Variants in ITPKC observed in about 807,000 individuals in gnomAD.
The protein encoded by ITPKC is inositol-trisphosphate 3-kinase C.
A neutral mutation model predicts 67.1 loss-of-function variants in ITPKC; 33 were observed. The ratio of observed to expected loss-of-function variants is 0.49; its 90% CI spans 0.37 to 0.66. The LOEUF (loss-of-function observed/expected upper bound fraction) is 0.66, where lower values mean the gene tolerates loss of function less well. Ranked by LOEUF, ITPKC falls within the 30% of genes least tolerant of loss-of-function variation. ITPKC has a pLI of 0.00. For missense variants in ITPKC, 820 were observed against 892.1 expected (o/e 0.92, Z 1.03); for synonymous variants, 341 against 359.8 (o/e 0.95, Z 0.59).
intron 4 of ITPKC, among the ~76,000 whole-genome samples, chr19:40,735,712 T>G (rs1204554754): frequency 1.3e-5 from 2 of 152,206 alleles, no homozygotes; most frequent in African/African-American, 4.8e-5. Context: ...CATCTGACTG[T>G]GTCTGTCGTG....
chr19:40,718,380 G>T, intron 1 of ITPKC, 90 bp downstream of exon 1: 1 of 1,437,772 alleles, frequency 7.0e-7, no homozygotes, highest in South Asian at 1.6e-5. Context: ...CCCATTTACT[G>T]TTAGTTGCCC....
At position 40,718,333 on chromosome 19, in the gene ITPKC, C is replaced by A. The variant is rs373991710; in HGVS notation, c.1155+43C>A. The A allele has an allele frequency of 2.7e-6, 4 of 1,484,248 alleles. No individual in the cohort carries two copies. In the East Asian group the frequency reaches 6.9e-5, roughly 25 times the overall value. 91.9% of individuals were successfully genotyped at this position (1,484,248 alleles called of 1,614,324 possible). ...TGCCCTTGAGCCACATCACGCAAAA[C>A]TCCTTATTCCTCCGCCTTTGCTTAG... On this transcript the variant is annotated intron_variant, in intron 1 of 6. Coordinates refer to ENST00000263370, the MANE Select transcript of ITPKC (RefSeq NM_025194.3).
chr19:40,731,407 A>C (rs1402415119), intron 3 of ITPKC, among the ~76,000 whole-genome samples: 1 of 152,174 alleles, frequency 6.6e-6, no homozygotes, highest in African/African-American at 2.4e-5. Flanking sequence ...AGTCTGTGGG[A>C]AAAATTATCT....
Position 40,733,376 on chromosome 19 carries a change from G to T in ITPKC, c.1674+12G>T. 1 of 1,597,242 alleles carries T rather than the reference G, an allele frequency of 6.3e-7. No homozygotes were observed. The highest frequency in any genetic ancestry group is 8.5e-7 in the Non-Finnish European group (1 of 1,171,720). On this transcript the variant is annotated intron_variant, in intron 4 of 6. Transcript: ENST00000263370. ...TCGAGGGCATCAAGGTGAGGACCAG[G>T]AACCGCCTGGCCTGTCCCGGGAAGG...
At chr19:40,730,082 G>A (rs953042060) in intron 3 of ITPKC, among the ~76,000 whole-genome samples, 10 of 152,018 alleles carry the variant, frequency 6.6e-5, no homozygotes, top group Non-Finnish European at 1.3e-4. Context: ...GATTACAAGC[G>A]CCCGCCACCA....
intron 1 of ITPKC, among the ~76,000 whole-genome samples, chr19:40,721,519 C>A (rs373776271): frequency 6.6e-6 from 1 of 151,780 alleles, no homozygotes; most frequent in Non-Finnish European, 1.5e-5. Context: ...TACAAGCGCA[C>A]GCCACCACGC....
intron 2 of ITPKC, among the ~76,000 whole-genome samples, chr19:40,728,231 G>A (rs568293152): frequency 6.7e-6 from 1 of 149,814 alleles, no homozygotes; most frequent in Non-Finnish European, 1.5e-5. Context: ...TTTTTTTTTA[G>A]ATTAGCTGGG....
At chr19:40,723,894 C>T (rs2082234078) in intron 1 of ITPKC, among the ~76,000 whole-genome samples, 1 of 152,174 alleles carries the variant, frequency 6.6e-6, no homozygotes, top group Non-Finnish European at 1.5e-5. Flanking sequence ...ATCTTAGTGA[C>T]TTAGAACAAC....
intron 2 of ITPKC, among the ~76,000 whole-genome samples, chr19:40,728,590 C>T (rs1038329317): frequency 1.3e-5 from 2 of 152,148 alleles, no homozygotes; most frequent in African/African-American, 2.4e-5. Context: ...GGACTTAGAT[C>T]TCACAGAATT....
chr19:40,728,368 G>C (rs1017813086), intron 2 of ITPKC, among the ~76,000 whole-genome samples: 12 of 152,090 alleles, frequency 7.9e-5, no homozygotes, highest in African/African-American at 2.9e-4. Flanking sequence ...CTGGGTGACA[G>C]AGTGAGATCC....
Position 40,717,459 on chromosome 19 carries a change from G to A in ITPKC, c.324G>A (p.Arg108=), listed in dbSNP as rs373204004. The part of the protein sequence containing the change: ...AAAGLGVETE[R]PKQKTEPDRS... ...CTGGCCTTGGAGTAGAGACCGAGAG[G>A]CCCAAGCAAAAGACGGAGCCAGACA... is the stretch of plus-strand genomic sequence containing the variant. The change falls in exon 1 of 7, where the codon AGG becomes AGA. Residue 108 remains arginine, a synonymous_variant. Transcript: ENST00000263370. 2.2e-5 allele frequency: 36 copies of A among 1,614,114 alleles called. No individual in the cohort carries two copies. Among genetic ancestry groups the A allele is most frequent in the Non-Finnish European group, 2.9e-5 (34 of 1,180,020 alleles).
At chr19:40,733,029 C>A in intron 3 of ITPKC, 131 bp from the exon 4 acceptor site, 1 of 695,764 alleles carries the variant, frequency 1.4e-6, no homozygotes, top group South Asian at 1.9e-5. Context: ...TCTTTGTGGA[C>A]TCTGTTGTAT....
intron 4 of ITPKC, among the ~76,000 whole-genome samples, chr19:40,734,978 C>T (rs913400351): frequency 6.6e-6 from 1 of 152,180 alleles, no homozygotes; most frequent in Non-Finnish European, 1.5e-5. Context: ...GACAGGGTTT[C>T]ACCATATTGA....
intron 1 of ITPKC, among the ~76,000 whole-genome samples, chr19:40,722,582 A>G (rs146789405): frequency 1.3e-3 from 203 of 152,154 alleles, no homozygotes; most frequent in African/African-American, 4.7e-3. Context: ...TGAGCCATAC[A>G]GTTTCCTTCT....
chr19:40,730,340 C>T (rs185479598), intron 3 of ITPKC, among the ~76,000 whole-genome samples: 1 of 152,324 alleles, frequency 6.6e-6, no homozygotes, highest in Admixed American at 6.5e-5. Flanking sequence ...CACAGACACA[C>T]ACACACAGAC....
intron 1 of ITPKC, among the ~76,000 whole-genome samples, chr19:40,723,136 T>A (rs1298101124): frequency 1.3e-5 from 2 of 152,004 alleles, no homozygotes; most frequent in East Asian, 3.9e-4. Flanking sequence ...TAATTTTTTG[T>A]ATTTTTAGTA....
Position 40,717,321 on chromosome 19 carries a change from A to C in ITPKC, c.186A>C (p.Thr62=). ...AGGGGGGCGGGCCCTGGGCCCGGAC[A>C]GAGGGGTCCAGCCTCCACAGCGAGC... ...RPEGGGPWAR[T]EGSSLHSEPE... is the part of the protein sequence containing the mutation. The change falls in exon 1 of 7, where the codon ACA becomes ACC. Residue 62 remains threonine (T), a synonymous_variant. Coordinates refer to ENST00000263370, the MANE Select transcript of ITPKC (RefSeq NM_025194.3). The C allele has an allele frequency of 1.3e-6, 2 of 1,589,362 alleles. No homozygotes were observed. Among genetic ancestry groups the C allele is most frequent in the South Asian group, 1.1e-5 (1 of 89,138 alleles).
chr19:40,739,226 A>C (rs1223288727), intron 6 of ITPKC, 131 bp from the exon 7 acceptor site: 31 of 651,034 alleles, frequency 4.8e-5, no homozygotes, highest in Non-Finnish European at 7.7e-5. Context: ...AGGAGGTGGC[A>C]CAGCCAGGAT....
intron 6 of ITPKC, among the ~76,000 whole-genome samples, chr19:40,738,867 T>G (rs918519617): frequency 1.3e-5 from 2 of 152,074 alleles, no homozygotes; most frequent in African/African-American, 2.4e-5. Flanking sequence ...AACTATAGAC[T>G]GTGTTTTCTC....
Sources: allele counts gnomAD v4.1 joint callset (sites outside exome capture counted in the v4.1 genomes callset), GRCh38; gene constraint gnomAD v4.1.1; transcripts MANE v1.5; gene names NCBI Gene and HGNC (gene_info 2026-07-23, HGNC 2026-07-21).